Variants in CSPP1 observed in about 807,000 individuals in gnomAD.
The protein encoded by CSPP1 is centrosome and spindle pole-associated protein 1.
CSPP1 carries 126 observed loss-of-function variants against 164.4 expected under a neutral mutation model. The ratio of observed to expected loss-of-function variants is 0.77; its 90% confidence interval spans 0.66 to 0.89. The LOEUF (loss-of-function observed/expected upper bound fraction) is 0.89. Among genes scored for constraint, CSPP1 ranks in the 40% least tolerant of loss-of-function variants. The pLI, the probability that CSPP1 is intolerant of heterozygous loss-of-function variation, is 0.00. For synonymous variants in CSPP1, 472 were observed against 476.7 expected (o/e 0.99, Z 0.13); for missense variants, 1,395 against 1,449.8 (o/e 0.96, Z 0.61).
intron 4 of CSPP1, among the ~76,000 whole-genome samples, chr8:67,088,351 G>A (rs748791438): frequency 6.6e-6 from 1 of 151,676 alleles, no homozygotes; most frequent in Non-Finnish European, 1.5e-5. Flanking sequence ...GCAGTGGTAC[G>A]ATCTTGGCTG....
intron 25 of CSPP1, 67 bp downstream of exon 25, chr8:67,172,622 A>ATTACGTATACT: frequency 7.5e-7 from 1 of 1,339,874 alleles, no homozygotes; most frequent in African/African-American, 1.5e-5. Flanking sequence ...ATATCTATAA[A>ATTACGTATACT]GATCTTTGTA....
chr8:67,183,443 T>C (rs1200447129), intron 28 of CSPP1, among the ~76,000 whole-genome samples: 2 of 152,082 alleles, frequency 1.3e-5, no homozygotes, highest in Admixed American at 6.5e-5. Context: ...AATCACACAA[T>C]ATCTGTCCCC....
intron 4 of CSPP1, among the ~76,000 whole-genome samples, chr8:67,087,134 A>G: frequency 6.6e-6 from 1 of 152,152 alleles, no homozygotes; most frequent in East Asian, 1.9e-4. Flanking sequence ...TCTGCAGTTA[A>G]GTCTGTTTTC....
At chr8:67,142,171 GTTCT>G (rs1304454252) in intron 17 of CSPP1, among the ~76,000 whole-genome samples, 4 of 151,798 alleles carry the variant, frequency 2.6e-5, no homozygotes, top group Non-Finnish European at 5.9e-5. Context: ...GTCTTTCTCA[GTTCT>G]TTATTTATTA....
intron 24 of CSPP1, among the ~76,000 whole-genome samples, chr8:67,170,888 G>A (rs148662851): frequency 0.021 from 3,139 of 151,810 alleles, 51 homozygotes; most frequent in Middle Eastern, 0.041. Flanking sequence ...CTTGGTTCAC[G>A]CCGTTCTCCT....
Position 67,196,543 on chromosome 8 carries a change from T to G in CSPP1, c.*950T>G, listed in dbSNP as rs1054297269. Reference sequence around the variant, plus strand: ...CACTGCTTCTCTCTCTAATAATACTTCCTCTGATGTAATTAACGGTTGGTA... The same window carrying G: ...CACTGCTTCTCTCTCTAATAATACTGCCTCTGATGTAATTAACGGTTGGTA... On this transcript the variant is annotated 3_prime_UTR_variant, in exon 31 of 31. Coordinates refer to ENST00000678616, the MANE Select transcript of CSPP1 (RefSeq NM_001382391.1). Among the ~76,000 whole-genome samples, 8 of 152,228 alleles carry G rather than the reference T, an allele frequency of 5.3e-5. No homozygotes were observed. The highest frequency in any genetic ancestry group is 1.9e-4 in the African/African-American group (8 of 41,464).
At chr8:67,153,325 C>T (rs1410956677) in intron 18 of CSPP1, among the ~76,000 whole-genome samples, 1 of 152,068 alleles carries the variant, frequency 6.6e-6, no homozygotes, top group East Asian at 1.9e-4. Flanking sequence ...CATCTGCATT[C>T]AAAGAGACTC....
intron 7 of CSPP1, among the ~76,000 whole-genome samples, chr8:67,101,280 G>A (rs1423332370): frequency 6.6e-6 from 1 of 152,130 alleles, no homozygotes; most frequent in African/African-American, 2.4e-5. Context: ...TATAGTTTGT[G>A]TAAACAGTTT....
chr8:67,138,195 A>C (rs1182012809), intron 17 of CSPP1, among the ~76,000 whole-genome samples: 1 of 152,152 alleles, frequency 6.6e-6, no homozygotes, highest in Non-Finnish European at 1.5e-5. Flanking sequence ...GGCTTTATAC[A>C]ACTTGTTATA....
intron 9 of CSPP1, among the ~76,000 whole-genome samples, chr8:67,110,099 CTAAT>C (rs1398474990): frequency 1.3e-5 from 2 of 151,732 alleles, no homozygotes; most frequent in East Asian, 3.9e-4. Flanking sequence ...TGGGAGTTCA[CTAAT>C]TAGACAAAGA....
At chr8:67,165,080 C>T (rs570072970) in intron 24 of CSPP1, among the ~76,000 whole-genome samples, 7 of 152,142 alleles carry the variant, frequency 4.6e-5, no homozygotes, top group Non-Finnish European at 8.8e-5. Flanking sequence ...GTCAGGAGAT[C>T]GAGACCATCC....
chr8:67,098,833 G>A (rs1813406117), intron 7 of CSPP1, among the ~76,000 whole-genome samples: 1 of 151,862 alleles, frequency 6.6e-6, no homozygotes, highest in South Asian at 2.1e-4. Flanking sequence ...AAGAAACCAG[G>A]TACAGAGTAG....
At chr8:67,089,117 A>G (rs1166989038) in intron 4 of CSPP1, among the ~76,000 whole-genome samples, 1 of 151,888 alleles carries the variant, frequency 6.6e-6, no homozygotes, top group Non-Finnish European at 1.5e-5. Context: ...CCAGACTTGG[A>G]TTGCATGGAT....
intron 28 of CSPP1, among the ~76,000 whole-genome samples, chr8:67,189,991 T>C (rs1218427384): frequency 6.6e-6 from 1 of 152,180 alleles, no homozygotes; most frequent in Admixed American, 6.5e-5. Flanking sequence ...ATTGGAACCC[T>C]CTTACAATGT....
intron 28 of CSPP1, among the ~76,000 whole-genome samples, chr8:67,180,889 A>C (rs1002728462): frequency 1.1e-4 from 16 of 152,032 alleles, no homozygotes; most frequent in African/African-American, 3.9e-4. Flanking sequence ...ACTTACGATT[A>C]TGTACTCTGA....
chr8:67,142,998 A>T (rs1309651333), intron 17 of CSPP1, among the ~76,000 whole-genome samples: 3 of 152,182 alleles, frequency 2.0e-5, no homozygotes, highest in Non-Finnish European at 4.4e-5. Context: ...TCATGGCACA[A>T]TGATCAAAAT....
chr8:67,185,757 TTGA>T lies in CSPP1; in HGVS notation c.3221-4886_3221-4884del, dbSNP rs149271272. Among the ~76,000 whole-genome samples the T allele has an allele frequency of 2.5e-3, 386 of 151,922 alleles. 12 individuals carry two copies. In the East Asian group the frequency reaches 0.063, roughly 25 times the overall value. ...GATGATGAAGATGATGATGATGAGTTTGATGATGAGGAAGCTGAAGAAAAAGCA... is the reference window on the plus strand; with the variant it reads ...GATGATGAAGATGATGATGATGAGTTTGATGAGGAAGCTGAAGAAAAAGCA... On this transcript the variant is annotated intron_variant, in intron 28 of 30. Transcript: ENST00000678616.
At chr8:67,137,285 G>A (rs1220364918) in intron 16 of CSPP1, among the ~76,000 whole-genome samples, 171 bp from the exon 17 acceptor site, 4 of 151,394 alleles carry the variant, frequency 2.6e-5, no homozygotes, top group African/African-American at 9.7e-5. Context: ...TTTACATTGA[G>A]TATTACATAT....
At chr8:67,086,887 TC>T (rs747698360) in intron 4 of CSPP1, 20 of 1,219,246 alleles carry the variant, frequency 1.6e-5, no homozygotes, top group East Asian at 4.7e-5. Flanking sequence ...GTTTTTTCTT[TC>T]TTTTTTTTTT....
Sources: gnomAD v4.1 joint callset for allele counts (sites outside exome capture counted in the v4.1 genomes callset) on GRCh38, gnomAD v4.1.1 for gene constraint, MANE v1.5 for transcripts, NCBI Gene and HGNC (gene_info 2026-07-23, HGNC 2026-07-21) for gene names.